Variants in SCLT1 observed in about 807,000 individuals in gnomAD.
SCLT1 encodes sodium channel and clathrin linker 1, also known as sodium channel-associated protein 1.
Under a neutral mutation model 112.8 loss-of-function variants are expected in SCLT1, and 78 were observed. That is an observed-to-expected ratio of 0.69 (90% CI 0.58 to 0.83). The LOEUF is 0.83. Among genes scored for constraint, SCLT1 ranks in the 40% least tolerant of loss-of-function variants. The pLI is 0.00. For synonymous variants in SCLT1, 257 were observed against 254.7 expected (o/e 1.01, Z -0.09); for missense variants, 747 against 770.4 (o/e 0.97, Z 0.36).
At chr4:129,074,086 A>G (rs574778802) in intron 2 of SCLT1, among the ~76,000 whole-genome samples, 33 of 152,228 alleles carry the variant, frequency 2.2e-4, no homozygotes, top group Middle Eastern at 6.8e-3. Context: ...CACCCTTAAT[A>G]CACACATTTG....
At chr4:129,034,950 C>T (rs1476987030) in intron 5 of SCLT1, among the ~76,000 whole-genome samples, 1 of 152,102 alleles carries the variant, frequency 6.6e-6, no homozygotes, top group Non-Finnish European at 1.5e-5. Flanking sequence ...TTTATCAGTA[C>T]ACTTAGGCTA....
intron 4 of SCLT1, among the ~76,000 whole-genome samples, chr4:128,875,578 T>G (rs146553460): frequency 2.0e-5 from 3 of 152,196 alleles, no homozygotes; most frequent in Non-Finnish European, 2.9e-5. Flanking sequence ...GCCAAGTCAC[T>G]TAACCGTTTT....
At chr4:129,071,806 T>C (rs1751033807) in intron 2 of SCLT1, among the ~76,000 whole-genome samples, 1 of 152,198 alleles carries the variant, frequency 6.6e-6, no homozygotes, top group Non-Finnish European at 1.5e-5. Context: ...TCAGTGTTAG[T>C]ATTGAAATGT....
intron 11 of SCLT1, among the ~76,000 whole-genome samples, chr4:128,962,146 C>T (rs1739791300): frequency 6.6e-6 from 1 of 151,980 alleles, no homozygotes; most frequent in South Asian, 2.1e-4. Context: ...TTGAGAATAC[C>T]CAACTATATA....
chr4:128,898,828 A>G (rs919543221), intron 18 of SCLT1, among the ~76,000 whole-genome samples: 7 of 152,218 alleles, frequency 4.6e-5, no homozygotes, highest in African/African-American at 1.7e-4. Context: ...GCAATAAAAA[A>G]TGATAAAGGG....
chr4:128,907,091 CAAAA>C (rs1686302847), intron 18 of SCLT1, among the ~76,000 whole-genome samples: 1 of 117,392 alleles, frequency 8.5e-6, no homozygotes, highest in South Asian at 2.7e-4. Flanking sequence ...ATTCAGGAAA[CAAAA>C]GAAGTTCAGC....
intron 1 of SCLT1, among the ~76,000 whole-genome samples, chr4:129,086,354 G>A (rs1035438315): frequency 6.6e-6 from 1 of 151,166 alleles, no homozygotes; most frequent in Non-Finnish European, 1.5e-5. Context: ...CACATTCATT[G>A]TTAGTTTCAA....
chr4:128,921,432 G>A (rs1479249257), intron 18 of SCLT1, among the ~76,000 whole-genome samples: 1 of 152,154 alleles, frequency 6.6e-6, no homozygotes, highest in Admixed American at 6.5e-5. Context: ...AACCAAAACA[G>A]CATGGTACTG....
At chr4:128,945,653 T>G (rs1426966782) in intron 16 of SCLT1, among the ~76,000 whole-genome samples, 1 of 152,082 alleles carries the variant, frequency 6.6e-6, no homozygotes, top group Non-Finnish European at 1.5e-5. Flanking sequence ...TGGATCATTA[T>G]AGAATATTCA....
At chr4:129,075,708 T>C (rs1751403682) in intron 2 of SCLT1, among the ~76,000 whole-genome samples, 1 of 152,178 alleles carries the variant, frequency 6.6e-6, no homozygotes. Context: ...ATTTCTATCA[T>C]CAGAGAAAGA....
downstream of SCLT1, among the ~76,000 whole-genome samples, chr4:128,879,401 G>T (rs1732592582): frequency 6.6e-6 from 1 of 152,106 alleles, no homozygotes; most frequent in Non-Finnish European, 1.5e-5. Context: ...AACCTATAAA[G>T]GTTACTTTTG....
At chr4:129,092,124 T>C (rs562454501) in intron 1 of SCLT1, among the ~76,000 whole-genome samples, 9 of 152,338 alleles carry the variant, frequency 5.9e-5, no homozygotes, top group Admixed American at 2.0e-4. Flanking sequence ...CCTTCTAAAC[T>C]ACAATTTGAT....
chr4:129,035,426 A>T (rs1263056650), intron 5 of SCLT1, among the ~76,000 whole-genome samples: 2 of 152,130 alleles, frequency 1.3e-5, no homozygotes, highest in East Asian at 3.9e-4. Flanking sequence ...CCTGGCAAAA[A>T]GACATAAAAA....
intron 2 of SCLT1, among the ~76,000 whole-genome samples, chr4:129,071,057 T>A (rs898924116): frequency 6.6e-6 from 1 of 152,204 alleles, no homozygotes; most frequent in Non-Finnish European, 1.5e-5. Context: ...AGAGCAGGCT[T>A]ACTTAATTTC....
At chr4:128,889,503 C>A (rs1318780418) in intron 19 of SCLT1, among the ~76,000 whole-genome samples, 1 of 152,164 alleles carries the variant, frequency 6.6e-6, no homozygotes, top group East Asian at 1.9e-4. Context: ...AAGGAACTAA[C>A]AATGTCAATA....
intron 10 of SCLT1, among the ~76,000 whole-genome samples, chr4:128,966,016 G>A (rs1236852134): frequency 4.0e-5 from 6 of 151,348 alleles, no homozygotes; most frequent in Admixed American, 1.3e-4. Context: ...ATTTTTAGTA[G>A]AGACAGGGTT....
At chr4:129,029,288 C>A (rs1746462739) in intron 5 of SCLT1, among the ~76,000 whole-genome samples, 1 of 151,926 alleles carries the variant, frequency 6.6e-6, no homozygotes, top group South Asian at 2.1e-4. Flanking sequence ...AAATGTCCAA[C>A]AATGATAGAC....
At chr4:128,973,273 C>A (rs1740850417) in intron 9 of SCLT1, among the ~76,000 whole-genome samples, 1 of 152,038 alleles carries the variant, frequency 6.6e-6, no homozygotes, top group Middle Eastern at 3.2e-3. Flanking sequence ...CTTTGTGGAA[C>A]TGTGAGTTCA....
intron 5 of SCLT1, among the ~76,000 whole-genome samples, chr4:129,025,025 G>T (rs1342960731): frequency 2.6e-5 from 4 of 152,160 alleles, no homozygotes; most frequent in Non-Finnish European, 5.9e-5. Flanking sequence ...AACAAACAAA[G>T]CCTCCAAGAA....
Sources: gnomAD v4.1 joint callset for allele counts (sites outside exome capture counted in the v4.1 genomes callset) on GRCh38, gnomAD v4.1.1 for gene constraint, MANE v1.5 for transcripts, NCBI Gene and HGNC (gene_info 2026-07-23, HGNC 2026-07-21) for gene names.